Variants in DOCK4 observed in about 807,000 individuals in gnomAD.
DOCK4 encodes dedicator of cytokinesis 4, also known as dedicator of cytokinesis protein 4.
Under a neutral mutation model 268.1 loss-of-function variants are expected in DOCK4, and 97 were observed. The observed-to-expected ratio is 0.36, with a 90% CI of 0.31 to 0.43. DOCK4 has a LOEUF of 0.43. Ranked by LOEUF, DOCK4 falls within the 20% of genes least tolerant of loss-of-function variation. The pLI is 1.00. For missense variants in DOCK4, 2,145 were observed against 2,455.7 expected (o/e 0.87, Z 2.67); for synonymous variants, 954 against 887.2 (o/e 1.08, Z -1.34).
chr7:111,972,967 TAA>T (rs1797844163), intron 8 of DOCK4, among the ~76,000 whole-genome samples: 1 of 151,740 alleles, frequency 6.6e-6, no homozygotes, highest in Non-Finnish European at 1.5e-5. Context: ...CTGGAGTTCA[TAA>T]AGTCTATCGT....
At chr7:112,142,404 T>C (rs1415220969) in intron 1 of DOCK4, among the ~76,000 whole-genome samples, 2 of 152,136 alleles carry the variant, frequency 1.3e-5, no homozygotes, top group Non-Finnish European at 2.9e-5. Flanking sequence ...ACTCAAGACA[T>C]GTTGACTGTC....
intron 13 of DOCK4, among the ~76,000 whole-genome samples, chr7:111,913,284 G>C (rs1301080679): frequency 1.3e-5 from 2 of 151,882 alleles, no homozygotes; most frequent in Non-Finnish European, 2.9e-5. Context: ...TAACATTGGA[G>C]GTGGGCCAGG....
intron 37 of DOCK4, 134 bp downstream of exon 37, chr7:111,769,395 G>T (rs1204595967): frequency 1.8e-6 from 2 of 1,102,398 alleles, no homozygotes; most frequent in Non-Finnish European, 2.6e-6. Flanking sequence ...CAAGCTTTTG[G>T]GTGTTTCTAA....
At chr7:111,807,519 T>C (rs1800766672) in intron 30 of DOCK4, 1 of 151,352 alleles carries the variant, frequency 6.6e-6, no homozygotes, top group South Asian at 2.1e-4. Context: ...TCACCCAGGC[T>C]GATGGAGTGC....
chr7:112,139,930 A>T (rs1814737541), intron 1 of DOCK4, among the ~76,000 whole-genome samples: 1 of 152,098 alleles, frequency 6.6e-6, no homozygotes, highest in African/African-American at 2.4e-5. Context: ...CAAGCTAAAA[A>T]TTTTTGCCAA....
chr7:112,039,159 T>A (rs985744927), intron 1 of DOCK4, among the ~76,000 whole-genome samples: 4 of 152,186 alleles, frequency 2.6e-5, no homozygotes, highest in African/African-American at 9.7e-5. Flanking sequence ...AGAATCATCA[T>A]CCATATTTCA....
intron 1 of DOCK4, among the ~76,000 whole-genome samples, chr7:112,099,297 TAAAAAA>T (rs34373613): frequency 1.9e-4 from 24 of 123,350 alleles, no homozygotes; most frequent in Admixed American, 4.3e-4. Context: ...GTCTCGGATT[TAAAAAA>T]AAAAAAAAAA....
At chr7:112,056,075 G>GC (rs1586731057) in intron 1 of DOCK4, among the ~76,000 whole-genome samples, 2 of 152,138 alleles carry the variant, frequency 1.3e-5, no homozygotes, top group African/African-American at 4.8e-5. Flanking sequence ...ACTGTGCTTT[G>GC]CAAGCCTTGA....
At position 111,726,981 on chromosome 7, in the gene DOCK4, A is replaced by T. The variant is rs993650660; in HGVS notation, c.*1293T>A. ...TGGTTAAACTAAAATGAGCTTCCCA[A>T]CAAAAGAGGGAAAATATTTAACAGT... On this transcript the variant is annotated 3_prime_UTR_variant, in exon 53 of 53. Transcript: ENST00000428084. The T allele has an allele frequency of 1.3e-5, 2 of 152,646 alleles. No homozygotes were observed. Among genetic ancestry groups the T allele is most frequent in the African/African-American group, 4.8e-5 (2 of 41,468 alleles). 9.5% of individuals were successfully genotyped at this position (152,646 alleles called of 1,614,324 possible).
At chr7:112,003,768 C>T (rs1800631387) in intron 2 of DOCK4, among the ~76,000 whole-genome samples, 2 of 152,180 alleles carry the variant, frequency 1.3e-5, no homozygotes, top group African/African-American at 4.8e-5. Context: ...GAAAAACCTT[C>T]TAGTTTGGCA....
At chr7:111,876,569 AAGG>A (rs1806896369) in intron 17 of DOCK4, among the ~76,000 whole-genome samples, 1 of 152,194 alleles carries the variant, frequency 6.6e-6, no homozygotes, top group Non-Finnish European at 1.5e-5. Flanking sequence ...GCAATTTGCC[AAGG>A]AGAAGAGCTT....
At chr7:111,948,685 C>T (rs1369160968) in intron 8 of DOCK4, among the ~76,000 whole-genome samples, 2 of 151,620 alleles carry the variant, frequency 1.3e-5, no homozygotes, top group Non-Finnish European at 2.9e-5. Flanking sequence ...ACCTCTACCT[C>T]CCGGATTCAG....
At chr7:111,767,615 G>A (rs567882397) in intron 37 of DOCK4, among the ~76,000 whole-genome samples, 5 of 152,238 alleles carry the variant, frequency 3.3e-5, no homozygotes, top group Non-Finnish European at 1.5e-5. Flanking sequence ...TTTGAATGCT[G>A]GAAACGATAA....
chr7:111,940,862 G>A (rs564691138), intron 10 of DOCK4, among the ~76,000 whole-genome samples: 1 of 152,214 alleles, frequency 6.6e-6, no homozygotes, highest in South Asian at 2.1e-4. Flanking sequence ...ATTATCAGTG[G>A]ATTATTTTGA....
At chr7:112,170,604 G>A (rs1379573593) in intron 1 of DOCK4, among the ~76,000 whole-genome samples, 2 of 151,978 alleles carry the variant, frequency 1.3e-5, no homozygotes, top group African/African-American at 4.8e-5. Context: ...TTACACAAAT[G>A]GTCAAGCTAT....
chr7:112,064,344 G>A (rs1806725556), intron 1 of DOCK4, among the ~76,000 whole-genome samples: 1 of 152,174 alleles, frequency 6.6e-6, no homozygotes, highest in African/African-American at 2.4e-5. Flanking sequence ...AAGCCACCTA[G>A]GATGGGTTCT....
intron 1 of DOCK4, among the ~76,000 whole-genome samples, chr7:112,036,397 ATGT>A (rs1191900443): frequency 6.6e-6 from 1 of 152,244 alleles, no homozygotes. Context: ...CAGAGAATGA[ATGT>A]TGTGAAACCT....
chr7:111,939,095 CT>C (rs1314725276), intron 11 of DOCK4, among the ~76,000 whole-genome samples: 2 of 152,182 alleles, frequency 1.3e-5, no homozygotes, highest in East Asian at 3.9e-4. Flanking sequence ...CCCCCAGTGA[CT>C]GCCAGCAAAG....
chr7:111,728,457 G>C lies in DOCK4; in HGVS notation c.5745C>G (p.Tyr1915Ter). The C allele has an allele frequency of 8.7e-6, 14 of 1,608,736 alleles. No individual in the cohort carries two copies. Among genetic ancestry groups the C allele is most frequent in the Non-Finnish European group, 1.2e-5 (14 of 1,177,408 alleles). ...GGACGGGGCGCCGCAGAGTCCGCTC[G>C]TAGACGCTGTACGGGGGCGGAGTCT... is the stretch of plus-strand genomic sequence containing the variant. The part of the protein sequence containing the change: ...ESKTPPPYSV[Y>*]ERTLRRPVPL... Residue 1915 changes from tyrosine (Y) to a stop codon, truncating the protein, a stop_gained, in exon 53 of 53, where the codon TAC becomes TAG. Transcript: ENST00000428084. LOFTEE classifies it high-confidence loss of function.
Sources: allele counts gnomAD v4.1 joint callset (sites outside exome capture counted in the v4.1 genomes callset), GRCh38; gene constraint gnomAD v4.1.1; transcripts MANE v1.5; gene names NCBI Gene and HGNC (gene_info 2026-07-23, HGNC 2026-07-21).